Variants in KIR3DL2 observed in about 807,000 individuals in gnomAD.
KIR3DL2 encodes the protein killer cell immunoglobulin-like receptor 3DL2.
In KIR3DL2, 42 loss-of-function variants were observed where a neutral mutation model predicts 41.6. The observed-to-expected ratio is 1.01, with a 90% confidence interval of 0.79 to 1.31. KIR3DL2 has a LOEUF of 1.31. KIR3DL2 is among the 50% of genes most tolerant of loss of function. The pLI is 0.00. For synonymous variants in KIR3DL2, 230 were observed against 221.3 expected (o/e 1.04, Z -0.35); for missense variants, 728 against 576.8 (o/e 1.26, Z -2.68).
At position 54,864,399 on chromosome 19, in the gene KIR3DL2, C is replaced by T. The variant is rs1322757891; in HGVS notation, c.1001-1406C>T. Reference sequence around the variant, plus strand: ...TTTTTTCCAATTCTGTGAAGAAAGTCATTGGTAGCTTGATGGGGATGGCAT... The same window carrying T: ...TTTTTTCCAATTCTGTGAAGAAAGTTATTGGTAGCTTGATGGGGATGGCAT... On this transcript the variant is annotated intron_variant, in intron 6 of 8. Transcript: ENST00000326321. 1.2e-4 allele frequency among the ~76,000 whole-genome samples: 19 copies of T among 152,154 alleles called. No homozygotes were observed. In the South Asian group the frequency reaches 3.7e-3, roughly 30 times the overall value.
intron 2 of KIR3DL2, among the ~76,000 whole-genome samples, chr19:54,851,775 A>C (rs1346421872): frequency 6.6e-6 from 1 of 151,846 alleles, no homozygotes; most frequent in Non-Finnish European, 1.5e-5. Context: ...TTGCAGTATT[A>C]AAATCTAGTA....
At chr19:54,852,566 A>AGCCT (rs2064370096) in intron 3 of KIR3DL2, among the ~76,000 whole-genome samples, 1 of 151,690 alleles carries the variant, frequency 6.6e-6, no homozygotes, top group Non-Finnish European at 1.5e-5. Context: ...ATGGGGAGAC[A>AGCCT]GCCTGGACTG....
chr19:54,856,488 C>A (rs1231848154), intron 5 of KIR3DL2, among the ~76,000 whole-genome samples: 4 of 151,632 alleles, frequency 2.6e-5, no homozygotes, highest in African/African-American at 9.8e-5. Flanking sequence ...CGAGATCAGC[C>A]TGGCCAACAT....
At chr19:54,850,545 G>A in intron 1 of KIR3DL2, 36 bp downstream of exon 1, 8 of 1,608,022 alleles carry the variant, frequency 5.0e-6, no homozygotes, top group Non-Finnish European at 6.8e-6. Flanking sequence ...AGGGAGAGTG[G>A]GGATGGAGAT....
At chr19:54,850,741 A>AG (rs1360401499) in intron 1 of KIR3DL2, among the ~76,000 whole-genome samples, 13 of 73,880 alleles carry the variant, frequency 1.8e-4, no homozygotes, top group African/African-American at 6.8e-4. Context: ...ACGGGCCTGG[A>AG]GTGGAGATAT....
At chr19:54,850,589 G>A (rs2064103099) in intron 1 of KIR3DL2, 80 bp downstream of exon 1, 48 of 1,550,462 alleles carry the variant, frequency 3.1e-5, no homozygotes, top group Non-Finnish European at 4.2e-5. Context: ...GGCCTGGAGT[G>A]GAGATATGGG....
At position 54,850,487 on chromosome 19, in the gene KIR3DL2, G is replaced by T. The variant is rs652188; in HGVS notation, c.12G>T (p.Thr4=). Residue 4 remains threonine (T), a synonymous_variant, in exon 1 of 9, where the codon ACG becomes ACT. Transcript: ENST00000326321. MSL[T]VVSMACVGFF... Reference sequence around the variant, plus strand: ...GCACCGGCAGCACCATGTCGCTCACGGTCGTCAGCATGGCGTGCGTTGGTG... The same window carrying T: ...GCACCGGCAGCACCATGTCGCTCACTGTCGTCAGCATGGCGTGCGTTGGTG... 0.63 allele frequency: 1,010,113 copies of T among 1,591,720 alleles called. 325,288 individuals are homozygous for T. Among genetic ancestry groups the T allele is most frequent in the East Asian group, 0.94 (41,871 of 44,626 alleles).
intron 1 of KIR3DL2, 104 bp downstream of exon 1, chr19:54,850,613 T>C (rs2064107137): frequency 6.7e-7 from 1 of 1,503,206 alleles, no homozygotes; most frequent in Non-Finnish European, 9.0e-7. Context: ...GGAGTGGAGA[T>C]ATGGGCCTGG....
chr19:54,851,843 C>T (rs578257200), intron 2 of KIR3DL2, among the ~76,000 whole-genome samples, 155 bp from the exon 3 acceptor site: 19 of 151,876 alleles, frequency 1.3e-4, no homozygotes, highest in South Asian at 8.3e-4. Context: ...TGTAGGGAGA[C>T]GCCATGTCTA....
intron 6 of KIR3DL2, among the ~76,000 whole-genome samples, chr19:54,859,820 G>A (rs1390701695): frequency 6.6e-5 from 10 of 152,014 alleles, no homozygotes; most frequent in Non-Finnish European, 1.0e-4. Context: ...AGGGTTCCAG[G>A]CAAGAATCTG....
intron 5 of KIR3DL2, 106 bp downstream of exon 5, chr19:54,856,018 G>C (rs2064743398): frequency 1.4e-6 from 2 of 1,384,846 alleles, no homozygotes; most frequent in East Asian, 4.6e-5. Flanking sequence ...GAGAGAACAC[G>C]AAGACTGGGT....
rs1601707956 is a variant in KIR3DL2 at position 54,850,517 on chromosome 19, C to A, written c.34+8C>A. On this transcript the variant is annotated splice_region_variant and intron_variant, in intron 1 of 8. Coordinates refer to ENST00000326321, the MANE Select transcript of KIR3DL2 (RefSeq NM_006737.4). ...TCAGCATGGCGTGCGTTGGTGAGTC[C>A]TGGAAGGGAATAGAGGGAGGGAGAG... 4.3e-6 allele frequency: 7 copies of A among 1,609,394 alleles called. No individual in the cohort carries two copies. The highest frequency in any genetic ancestry group is 5.9e-6 in the Non-Finnish European group (7 of 1,179,840).
At position 54,851,240 on chromosome 19, in the gene KIR3DL2, G is replaced by A; in HGVS notation, c.55G>A (p.Ala19Thr). ...ACVGFFLLQG[A>T]WPLMGGQDKP... ...TCCAGGGTTCTTCTTGCTGCAGGGG[G>A]CCTGGCCACTCATGGGTGAGTCCGT... The change falls in exon 2 of 9, where the codon GCC (alanine) becomes ACC (threonine). Residue 19 changes from alanine (A) to threonine (T), a missense_variant. Ala to Thr is a moderately conservative substitution (Grantham distance 58). Transcript: ENST00000326321. 6.2e-7 allele frequency: 1 copy of A among 1,609,508 alleles called. No homozygotes were observed.
Position 54,866,586 on chromosome 19 carries a change from A to G in KIR3DL2, c.1223A>G (p.Gln408Arg). Residue 408 changes from glutamine to arginine, a missense_variant, in exon 9 of 9, where the codon CAG becomes CGG. Gln to Arg is a conservative substitution (Grantham distance 43). Coordinates refer to ENST00000326321, the MANE Select transcript of KIR3DL2 (RefSeq NM_006737.4). ...CAGTTGGATCACTGCGTTTTCATAC[A>G]GAGAAAAATCAGTCGCCCTTCTCAG... ...YAQLDHCVFI[Q>R]RKISRPSQRP... 1 of 1,614,060 alleles carries G rather than the reference A, an allele frequency of 6.2e-7. No individual in the cohort carries two copies. The highest frequency in any genetic ancestry group is 8.5e-7 in the Non-Finnish European group (1 of 1,179,982).
At chr19:54,853,338 A>G (rs202026742) in intron 3 of KIR3DL2, among the ~76,000 whole-genome samples, 1 of 151,114 alleles carries the variant, frequency 6.6e-6, no homozygotes, top group Non-Finnish European at 1.5e-5. Flanking sequence ...GGGTGTGTGG[A>G]CACTGATGTC....
Position 54,853,906 on chromosome 19 carries a change from A to T in KIR3DL2, c.515A>T (p.His172Leu). 6.2e-7 allele frequency: 1 copy of T among 1,613,350 alleles called. No individual in the cohort carries two copies. The highest frequency in any genetic ancestry group is 8.5e-7 in the Non-Finnish European group (1 of 1,179,816). The change falls in exon 4 of 9, where the codon CAT (histidine) becomes CTT (leucine). Residue 172 changes from histidine (H) to leucine (L), a missense_variant. Transcript: ENST00000326321. ...EDPSRLVGQIHDGVSKANFSI... is the reference protein window; with the variant it reads ...EDPSRLVGQILDGVSKANFSI... Reference sequence around the variant, plus strand: ...CCCTCACGCCTCGTTGGACAGATCCATGATGGGGTCTCCAAGGCCAACTTC... The same window carrying T: ...CCCTCACGCCTCGTTGGACAGATCCTTGATGGGGTCTCCAAGGCCAACTTC...
intron 4 of KIR3DL2, 132 bp from the exon 5 acceptor site, chr19:54,855,487 G>C: frequency 7.4e-7 from 1 of 1,348,694 alleles, no homozygotes; most frequent in Non-Finnish European, 1.0e-6. Context: ...GACATGAAGA[G>C]AGTTGGGGTG....
intron 5 of KIR3DL2, among the ~76,000 whole-genome samples, chr19:54,857,218 T>C (rs1043611097): frequency 2.0e-5 from 3 of 151,364 alleles, no homozygotes; most frequent in Admixed American, 6.6e-5. Flanking sequence ...GCCTCCCTAA[T>C]AGCTGTGATT....
intron 4 of KIR3DL2, among the ~76,000 whole-genome samples, chr19:54,855,072 A>AT (rs2064630405): frequency 6.9e-6 from 1 of 145,850 alleles, no homozygotes; most frequent in Admixed American, 6.9e-5. Flanking sequence ...AGATAGATAG[A>AT]AGACACATAT....
Sources: gnomAD v4.1 joint callset for allele counts (sites outside exome capture counted in the v4.1 genomes callset) on GRCh38, gnomAD v4.1.1 for gene constraint, MANE v1.5 for transcripts, NCBI Gene and HGNC (gene_info 2026-07-23, HGNC 2026-07-21) for gene names.